The following SRPX variants were observed in gnomAD, a reference collection of about 807,000 sequenced individuals.
SRPX encodes the protein sushi repeat containing protein X-linked.
SRPX carries 24 observed loss-of-function variants against 38.1 expected under a neutral mutation model. The observed-to-expected ratio is 0.63, with a 90% CI of 0.46 to 0.89. The LOEUF (loss-of-function observed/expected upper bound fraction) is 0.89, where lower values mean the gene tolerates loss of function less well. Among genes scored for constraint, SRPX ranks in the 40% least tolerant of loss-of-function variants. The probability of loss-of-function intolerance (pLI) is 0.00; values close to 1 mark genes in which losing one functional copy is unlikely to be tolerated. For synonymous variants in SRPX, 184 were observed against 153.8 expected (o/e 1.20, Z -1.45); for missense variants, 416 against 377.8 (o/e 1.10, Z -0.84).
Position 38,192,123 on chromosome X carries a change from AAG to A in SRPX, c.98-13781_98-13780del, listed in dbSNP as rs201176498. On this transcript the variant is annotated intron_variant, in intron 1 of 9. Coordinates refer to ENST00000378533, the MANE Select transcript of SRPX (RefSeq NM_006307.5). ...CTGCCCAGCTAAAGAGAGCCCCACAAAGAGGCACAGCGTGGCTTGTAACCCTG... is the reference window on the plus strand; with the variant it reads ...CTGCCCAGCTAAAGAGAGCCCCACAAAGGCACAGCGTGGCTTGTAACCCTG... Among the ~76,000 whole-genome samples the A allele has an allele frequency of 1.6e-3, 178 of 111,803 alleles. 3 individuals carry two copies. The East Asian group carries it at 0.045, about 29-fold the overall frequency.
intron 9 of SRPX, among the ~76,000 whole-genome samples, chrX:38,153,593 C>T (rs898493174): frequency 9.0e-6 from 1 of 111,497 alleles, no homozygotes; most frequent in Non-Finnish European, 1.9e-5. Flanking sequence ...CCCAGCCTCC[C>T]TTAAAAGTGA....
chrX:38,165,756 C>T (rs1173527515), intron 4 of SRPX, among the ~76,000 whole-genome samples: 1 of 111,897 alleles, frequency 8.9e-6, no homozygotes, highest in African/African-American at 3.3e-5. Flanking sequence ...CTGTCTGGGT[C>T]CACTCTCCCC....
At chrX:38,194,840 T>A (rs1938964290) in intron 1 of SRPX, among the ~76,000 whole-genome samples, 1 of 107,616 alleles carries the variant, frequency 9.3e-6, no homozygotes, top group Non-Finnish European at 1.9e-5. Context: ...ATGTAAATAA[T>A]GTTTTTTGTT....
At chrX:38,158,642 T>G (rs938131820) in intron 7 of SRPX, among the ~76,000 whole-genome samples, 1 of 111,209 alleles carries the variant, frequency 9.0e-6, no homozygotes, top group African/African-American at 3.3e-5. Flanking sequence ...AAATACAATG[T>G]AAGCCACTAT....
At chrX:38,166,206 C>T (rs894266667) in intron 4 of SRPX, among the ~76,000 whole-genome samples, 1 of 112,155 alleles carries the variant, frequency 8.9e-6, no homozygotes, top group Non-Finnish European at 1.9e-5. Context: ...CTAAATGCAC[C>T]AAGTAAAATT....
chrX:38,194,863 G>GTTTT (rs35179239), intron 1 of SRPX, among the ~76,000 whole-genome samples: 9 of 53,664 alleles, frequency 1.7e-4, no homozygotes, highest in Admixed American at 4.8e-4. Context: ...TTTGTTTTTG[G>GTTTT]TTTTTTTTTT....
At chrX:38,162,620 C>T (rs927003430) in intron 5 of SRPX, among the ~76,000 whole-genome samples, 2 of 112,271 alleles carry the variant, frequency 1.8e-5, no homozygotes, top group East Asian at 2.8e-4. Flanking sequence ...GCAAGACCAG[C>T]CTGGCCAACA....
intron 1 of SRPX, among the ~76,000 whole-genome samples, chrX:38,194,509 A>G (rs1938958965): frequency 8.9e-6 from 1 of 112,357 alleles, no homozygotes; most frequent in South Asian, 3.7e-4. Flanking sequence ...CATATTATCC[A>G]GCAATTCAAC....
intron 1 of SRPX, among the ~76,000 whole-genome samples, chrX:38,185,523 C>A (rs775350256): frequency 9.0e-6 from 1 of 111,549 alleles, no homozygotes; most frequent in African/African-American, 3.3e-5. Flanking sequence ...GGCAAAATTA[C>A]GGCTGTAAAA....
chrX:38,212,494 G>C (rs1190618579), intron 1 of SRPX, among the ~76,000 whole-genome samples: 3 of 111,718 alleles, frequency 2.7e-5, no homozygotes, highest in Non-Finnish European at 5.6e-5. Flanking sequence ...TCATCATGTA[G>C]AAGAATCATT....
At chrX:38,219,786 C>T (rs1279984618) in intron 1 of SRPX, among the ~76,000 whole-genome samples, 1 of 111,954 alleles carries the variant, frequency 8.9e-6, no homozygotes, top group Non-Finnish European at 1.9e-5. Context: ...GCCGACGTCA[C>T]CCACTTTCCC....
chrX:38,180,199 T>C (rs1569209163), intron 1 of SRPX, among the ~76,000 whole-genome samples: 1 of 111,719 alleles, frequency 9.0e-6, no homozygotes, highest in Non-Finnish European at 1.9e-5. Context: ...TGCCCTCGGT[T>C]GTCATCCTGG....
intron 1 of SRPX, among the ~76,000 whole-genome samples, chrX:38,191,150 A>G (rs1938896325): frequency 8.9e-6 from 1 of 112,148 alleles, no homozygotes; most frequent in Non-Finnish European, 1.9e-5. Context: ...CCCTAACATA[A>G]GATGATAAGC....
rs190470517 is a variant in SRPX at position 38,166,012 on chromosome X, A to G, written c.527-1117T>C. 2.7e-5 allele frequency among the ~76,000 whole-genome samples: 3 copies of G among 112,583 alleles called. No homozygotes were observed. The East Asian group carries it at 8.3e-4, about 31-fold the overall frequency. ...AGTGAAATCACAAGAGGAAGTTCAC[A>G]TTTCTGCAAATTCTACTTAATATTT... On this transcript the variant is annotated intron_variant, in intron 4 of 9. Coordinates refer to ENST00000378533, the MANE Select transcript of SRPX (RefSeq NM_006307.5).
In SRPX at chrX:38,160,741, C is replaced by T. The variant is rs968071950; in HGVS notation, c.775+192G>A. On this transcript the variant is annotated intron_variant, in intron 6 of 9. Coordinates refer to ENST00000378533, the MANE Select transcript of SRPX (RefSeq NM_006307.5). ...TCCTTAAATAATCTGGCAACACTGACGCCCATCCGGATGTGTATCGTGAAA... is the reference window on the plus strand; with the variant it reads ...TCCTTAAATAATCTGGCAACACTGATGCCCATCCGGATGTGTATCGTGAAA... Among the ~76,000 whole-genome samples the T allele has an allele frequency of 1.4e-4, 16 of 111,136 alleles. No individual in the cohort carries two copies. The East Asian group carries it at 3.4e-3, about 23-fold the overall frequency.
In SRPX at chrX:38,199,622, A is replaced by G. The variant is rs151100401; in HGVS notation, c.97+21074T>C. 7.8e-3 allele frequency among the ~76,000 whole-genome samples: 858 copies of G among 109,879 alleles called. 12 individuals are homozygous for G. The highest frequency in any genetic ancestry group is 0.027 in the African/African-American group (820 of 30,176). On this transcript the variant is annotated intron_variant, in intron 1 of 9. Coordinates refer to ENST00000378533, the MANE Select transcript of SRPX (RefSeq NM_006307.5). Reference sequence around the variant, plus strand: ...TAGTTTCTTCCTGTTTAAACATGGAATTGGTATATTCTATTAACTACTTTT... The same window carrying G: ...TAGTTTCTTCCTGTTTAAACATGGAGTTGGTATATTCTATTAACTACTTTT...
chrX:38,186,140 T>C (rs1938778572), intron 1 of SRPX, among the ~76,000 whole-genome samples: 1 of 111,871 alleles, frequency 8.9e-6, no homozygotes, highest in South Asian at 3.8e-4. Context: ...AAGACTGTGG[T>C]GTCCATCTTG....
At chrX:38,193,816 A>G (rs1938948839) in intron 1 of SRPX, among the ~76,000 whole-genome samples, 1 of 112,338 alleles carries the variant, frequency 8.9e-6, no homozygotes, top group African/African-American at 3.2e-5. Context: ...TCAATTTCAA[A>G]GTCAAGCAAT....
chrX:38,190,585 A>G (rs757492024), intron 1 of SRPX, among the ~76,000 whole-genome samples: 1 of 111,858 alleles, frequency 8.9e-6, no homozygotes, highest in South Asian at 3.8e-4. Context: ...TGATAGTCAC[A>G]CAGTAGCTGT....
Sources: gnomAD v4.1 joint callset for allele counts (sites outside exome capture counted in the v4.1 genomes callset) on GRCh38, gnomAD v4.1.1 for gene constraint, MANE v1.5 for transcripts, NCBI Gene and HGNC (gene_info 2026-07-23, HGNC 2026-07-21) for gene names.